The following HPX variants were observed in gnomAD, a reference collection of about 807,000 sequenced individuals.
The protein encoded by HPX is beta-1B-glycoprotein.
A neutral mutation model predicts 53.8 loss-of-function variants in HPX; 42 were observed. The ratio of observed to expected loss-of-function variants is 0.78; its 90% CI spans 0.61 to 1.01. The LOEUF (loss-of-function observed/expected upper bound fraction) is 1.01. Among genes scored for constraint, HPX ranks in the 50% least tolerant of loss-of-function variants. HPX has a pLI of 0.00. For missense variants in HPX, 547 were observed against 594.3 expected, an observed-to-expected ratio of 0.92 and a Z score of 0.83; for synonymous variants, 229 against 221.1, an observed-to-expected ratio of 1.04 and a Z score of -0.32.
intron 7 of HPX, 24 bp downstream of exon 7, chr11:6,437,022 G>T (rs1849425327): frequency 6.2e-7 from 1 of 1,612,136 alleles, no homozygotes; most frequent in African/African-American, 1.3e-5. Flanking sequence ...AGAGCACATT[G>T]GGGGAGTTGG....
intron 7 of HPX, among the ~76,000 whole-genome samples, chr11:6,435,248 C>G (rs1321525828): frequency 6.6e-6 from 1 of 152,010 alleles, no homozygotes; most frequent in Non-Finnish European, 1.5e-5. Context: ...GCACTCCAGC[C>G]TGGGTGACAG....
intron 5 of HPX, 59 bp downstream of exon 5, chr11:6,438,297 A>T: frequency 1.3e-6 from 2 of 1,539,666 alleles, no homozygotes; most frequent in Non-Finnish European, 1.8e-6. Context: ...CACCATCACT[A>T]CTGGCATCAC....
In HPX at chr11:6,431,167, G is replaced by A. The variant is rs1366458321; in HGVS notation, c.*44C>T. 6.2e-7 allele frequency: 1 copy of A among 1,608,844 alleles called. No homozygotes were observed. Among genetic ancestry groups the A allele is most frequent in the Non-Finnish European group, 8.5e-7 (1 of 1,176,984 alleles). The stretch of plus-strand genomic sequence containing the variant: ...AGAAGCAATCTGTCTTTATTATGAG[G>A]AACTAGGAGGTGGGGCCAGGCCAGA... On this transcript the variant is annotated 3_prime_UTR_variant, in exon 10 of 10. Transcript: ENST00000265983.
intron 5 of HPX, 167 bp downstream of exon 5, chr11:6,438,189 T>C (rs1849440774): frequency 5.8e-6 from 4 of 695,578 alleles, no homozygotes; most frequent in East Asian, 5.0e-5. Flanking sequence ...TGACTTCCTC[T>C]CCTTCCCTCA....
intron 4 of HPX, 87 bp downstream of exon 4, chr11:6,440,078 G>T: frequency 1.9e-6 from 3 of 1,541,530 alleles, no homozygotes; most frequent in Non-Finnish European, 2.7e-6. Flanking sequence ...ATTGCTATGG[G>T]CTCCATGCCA....
In HPX at chr11:6,439,333, TAATCAG is replaced by T. The variant is rs574131988; in HGVS notation, c.336+826_337-825del. ...GACCCTGTGTGCACTTGGTTTGTAG[TAATCAG>T]GCACATTTTGGGGTCATTTACTGAA... On this transcript the variant is annotated intron_variant, in intron 4 of 9. Coordinates refer to ENST00000265983, the MANE Select transcript of HPX (RefSeq NM_000613.3). Among the ~76,000 whole-genome samples, 17 of 152,276 alleles carry T rather than the reference TAATCAG, an allele frequency of 1.1e-4. No homozygotes were observed. In the South Asian group the frequency reaches 3.3e-3, roughly 30 times the overall value.
rs369559442 is a variant in HPX, at chr11:6,437,481, G to C, written c.662C>G (p.Pro221Arg). The change falls in exon 6 of 10, where the codon CCG becomes CGG. Residue 221 changes from proline (P) to arginine (R), a missense_variant. Pro to Arg is a moderately radical substitution (Grantham distance 103). Transcript: ENST00000265983. ...CATGAAGTAGTCTCGGACATCCCGC[G>C]GGTACCTGGGAGGCACCTCTCCCCT... ...PVRGEVPPRY[P>R]RDVRDYFMPC... The C allele has an allele frequency of 1.1e-5, 17 of 1,614,088 alleles. No individual in the cohort carries two copies. Among genetic ancestry groups the C allele is most frequent in the Non-Finnish European group, 1.4e-5 (16 of 1,180,012 alleles).
In HPX at chr11:6,437,100, G is replaced by C; in HGVS notation, c.781C>G (p.Leu261Val). 6.2e-7 allele frequency: 1 copy of C among 1,614,180 alleles called. No individual in the cohort carries two copies. The highest frequency in any genetic ancestry group is 8.5e-7 in the Non-Finnish European group (1 of 1,180,024). Residue 261 changes from leucine to valine, a missense_variant, in exon 7 of 10, where the codon CTA (leucine) becomes GTA (valine). Leu to Val is a conservative substitution (Grantham distance 32, BLOSUM62 1). Transcript: ENST00000265983. Reference protein sequence around the residue: ...GPEYMRCSPHLVLSALTSDNH... With the variant: ...GPEYMRCSPHVVLSALTSDNH... Reference sequence around the variant, plus strand: ...TCAGACGTCAGTGCAGACAAGACTAGATGTGGGCTACAGCGCATATACTCA... The same window carrying C: ...TCAGACGTCAGTGCAGACAAGACTACATGTGGGCTACAGCGCATATACTCA...
chr11:6,431,119 G>A lies in HPX; in HGVS notation c.*92C>T. 3.9e-6 allele frequency: 6 copies of A among 1,536,960 alleles called. No individual in the cohort carries two copies. The highest frequency in any genetic ancestry group is 5.3e-6 in the Non-Finnish European group (6 of 1,134,684). ...GTGGGGCCAGGCCAGACTCATGTCA[G>A]AAGGCCCCTCAGTGAGAAGCGAAGA... On this transcript the variant is annotated 3_prime_UTR_variant, in exon 10 of 10. Transcript: ENST00000265983.
chr11:6,433,649 T>C (rs1208403920), intron 7 of HPX, among the ~76,000 whole-genome samples: 1 of 152,244 alleles, frequency 6.6e-6, no homozygotes, highest in Non-Finnish European at 1.5e-5. Context: ...TTATAACTTA[T>C]GTTCTGCAAA....
chr11:6,440,598 A>G, intron 2 of HPX, 60 bp from the exon 3 acceptor site: 2 of 1,135,642 alleles, frequency 1.8e-6, no homozygotes, highest in Admixed American at 2.6e-5. Context: ...AAAAAAAAAA[A>G]AAAAACCAGA....
chr11:6,434,272 C>A (rs1378864437), intron 7 of HPX, among the ~76,000 whole-genome samples: 1 of 152,184 alleles, frequency 6.6e-6, no homozygotes, highest in African/African-American at 2.4e-5. Context: ...GACATATCCA[C>A]CTCCCCTGGG....
chr11:6,437,363 G>A, intron 6 of HPX, 77 bp downstream of exon 6: 2 of 1,425,354 alleles, frequency 1.4e-6, no homozygotes, highest in Non-Finnish European at 2.0e-6. Context: ...TAAAGTGAGA[G>A]CTAGGACACG....
chr11:6,437,318 G>T (rs1849428797), intron 6 of HPX, 122 bp downstream of exon 6: 1 of 1,363,654 alleles, frequency 7.3e-7, no homozygotes, highest in Non-Finnish European at 1.0e-6. Context: ...TGGAAATGGG[G>T]CTAGATTAAG....
chr11:6,431,725 C>T lies in HPX; in HGVS notation c.1045G>A (p.Val349Ile). The change falls in exon 9 of 10, where the codon GTC becomes ATC. Residue 349 changes from valine (V) to isoleucine (I), a missense_variant. Transcript: ENST00000265983. ...AGGATAATCCCATGAGGGGTCCCGA[C>T]TTCCTTCTCCAGCCGCTTCGGATAA... ...SGYPKRLEKE[V>I]GTPHGIILDS... 2 of 1,614,230 alleles carry T rather than the reference C, an allele frequency of 1.2e-6. No homozygotes were observed. Among genetic ancestry groups the T allele is most frequent in the Admixed American group, 1.7e-5 (1 of 60,026 alleles).
At chr11:6,434,477 A>G (rs1315671963) in intron 7 of HPX, among the ~76,000 whole-genome samples, 1 of 152,088 alleles carries the variant, frequency 6.6e-6, no homozygotes, top group African/African-American at 2.4e-5. Context: ...CTACTGGTGC[A>G]TGCCACCACA....
chr11:6,438,015 T>C, intron 5 of HPX: 1 of 487,044 alleles, frequency 2.1e-6, no homozygotes, highest in South Asian at 2.7e-5. Context: ...TGGAGCTTAG[T>C]GTTAAGGTAA....
At chr11:6,439,938 G>A in intron 4 of HPX, 5 of 595,462 alleles carry the variant, frequency 8.4e-6, no homozygotes, top group Admixed American at 2.5e-5. Context: ...CAGCAGAGCG[G>A]TGTAGAACTA....
At chr11:6,435,238 G>C (rs989780808) in intron 7 of HPX, among the ~76,000 whole-genome samples, 2 of 151,998 alleles carry the variant, frequency 1.3e-5, no homozygotes, top group African/African-American at 2.4e-5. Context: ...TTGCGCCATT[G>C]CACTCCAGCC....
Sources: allele counts gnomAD v4.1 joint callset (sites outside exome capture counted in the v4.1 genomes callset), GRCh38; gene constraint gnomAD v4.1.1; transcripts MANE v1.5; gene names NCBI Gene and HGNC (gene_info 2026-07-23, HGNC 2026-07-21).